Variants in C8orf34 observed in about 807,000 individuals in gnomAD.
The protein encoded by C8orf34 is uncharacterized protein C8orf34.
C8orf34 carries 65 observed loss-of-function variants against 68.3 expected under a neutral mutation model. That is an observed-to-expected ratio of 0.95 (90% CI 0.78 to 1.17). The LOEUF is 1.17. Ranked by LOEUF, C8orf34 falls within the 50% of genes most tolerant of loss-of-function variation. The pLI is 0.00. For synonymous variants in C8orf34, 244 were observed against 241.2 expected (o/e 1.01, Z -0.11); for missense variants, 664 against 655.4 (o/e 1.01, Z -0.14).
chr8:68,635,136 A>G (rs1818798735), intron 7 of C8orf34, among the ~76,000 whole-genome samples: 1 of 152,224 alleles, frequency 6.6e-6, no homozygotes, highest in Non-Finnish European at 1.5e-5. Flanking sequence ...GAGTTCTGGC[A>G]GGGAGTTTTT....
chr8:68,344,502 TATG>T (rs1296290338), intron 1 of C8orf34, among the ~76,000 whole-genome samples: 2 of 152,192 alleles, frequency 1.3e-5, no homozygotes, highest in African/African-American at 4.8e-5. Flanking sequence ...ATACCCCAGT[TATG>T]ATATTCTTCT....
At chr8:68,685,903 TAA>T (rs1390817003) in intron 8 of C8orf34, among the ~76,000 whole-genome samples, 4 of 150,160 alleles carry the variant, frequency 2.7e-5, no homozygotes, top group African/African-American at 9.8e-5. Context: ...AATAAATAAA[TAA>T]ATAAATAAAT....
Position 68,787,444 on chromosome 8 carries a change from A to G in C8orf34, c.1457A>G (p.Asp486Gly). Residue 486 changes from aspartate (D) to glycine (G), a missense_variant and splice_region_variant, in exon 12 of 14, where the codon GAT (aspartate) becomes GGT (glycine). Coordinates refer to ENST00000518698, the MANE Select transcript of C8orf34 (RefSeq NM_052958.4). ...TAAAATAAATGTGTTCTTTTGCAGG[A>G]TGAATCCTTAAAGCAATTGCAGGTA... ...GHSLKNYMEEDESLKQLQVVH... is the reference protein window; with the variant it reads ...GHSLKNYMEEGESLKQLQVVH... 1 of 1,608,714 alleles carries G rather than the reference A, an allele frequency of 6.2e-7. No homozygotes were observed. The highest frequency in any genetic ancestry group is 8.5e-7 in the Non-Finnish European group (1 of 1,176,594).
At chr8:68,601,795 G>A (rs1225334335) in intron 7 of C8orf34, among the ~76,000 whole-genome samples, 1 of 152,058 alleles carries the variant, frequency 6.6e-6, no homozygotes, top group Non-Finnish European at 1.5e-5. Flanking sequence ...TATGAAGACT[G>A]ATTTTCTATT....
At chr8:68,792,670 A>C (rs1301062922) in intron 12 of C8orf34, 1 of 151,476 alleles carries the variant, frequency 6.6e-6, no homozygotes, top group Non-Finnish European at 1.5e-5. Flanking sequence ...AAAGACAAAG[A>C]GATATTTAAA....
chr8:68,482,302 C>A (rs766732977), intron 4 of C8orf34, among the ~76,000 whole-genome samples: 2 of 152,166 alleles, frequency 1.3e-5, no homozygotes, highest in African/African-American at 2.4e-5. Context: ...TTTTTGTTCC[C>A]AGTTTCAGGT....
chr8:68,418,551 A>T (rs927852635), intron 1 of C8orf34, among the ~76,000 whole-genome samples: 12 of 152,188 alleles, frequency 7.9e-5, no homozygotes, highest in Non-Finnish European at 1.8e-4. Context: ...TGTTGAGATA[A>T]TCATGTGGTT....
intron 3 of C8orf34, among the ~76,000 whole-genome samples, chr8:68,461,922 T>C (rs1455511131): frequency 6.6e-6 from 1 of 152,094 alleles, no homozygotes; most frequent in Non-Finnish European, 1.5e-5. Flanking sequence ...AATGACAGGA[T>C]CAAATTCACA....
intron 10 of C8orf34, among the ~76,000 whole-genome samples, chr8:68,751,071 A>G (rs1392254333): frequency 6.6e-6 from 1 of 152,128 alleles, no homozygotes; most frequent in African/African-American, 2.4e-5. Context: ...AAGAATAGCA[A>G]AACAAAGCAT....
chr8:68,799,988 G>A (rs1175399189), intron 12 of C8orf34, among the ~76,000 whole-genome samples: 1 of 152,130 alleles, frequency 6.6e-6, no homozygotes, highest in Non-Finnish European at 1.5e-5. Context: ...TACACTTGAT[G>A]GCCCAGGAAA....
chr8:68,777,992 AG>A (rs1823570568), intron 11 of C8orf34, among the ~76,000 whole-genome samples: 1 of 152,180 alleles, frequency 6.6e-6, no homozygotes, highest in Non-Finnish European at 1.5e-5. Flanking sequence ...ATTGACTTAT[AG>A]TGAGATTTTA....
At chr8:68,590,422 A>G (rs1473356867) in intron 7 of C8orf34, among the ~76,000 whole-genome samples, 2 of 152,102 alleles carry the variant, frequency 1.3e-5, no homozygotes, top group Admixed American at 6.6e-5. Flanking sequence ...ATAGGGTTTT[A>G]CTTTAAGCCC....
chr8:68,423,310 GTTCAGA>G (rs1260227095), intron 1 of C8orf34, among the ~76,000 whole-genome samples: 2 of 152,116 alleles, frequency 1.3e-5, no homozygotes, highest in African/African-American at 4.8e-5. Flanking sequence ...TCTCTCTCAA[GTTCAGA>G]GTTCCACAGA....
chr8:68,342,394 G>A lies in C8orf34; in HGVS notation c.327+11055G>A, dbSNP rs189347444. Among the ~76,000 whole-genome samples, 758 of 152,206 alleles carry A rather than the reference G, an allele frequency of 5.0e-3. 4 individuals carry two copies. The highest frequency in any genetic ancestry group is 0.017 in the African/African-American group (706 of 41,536). On this transcript the variant is annotated intron_variant, in intron 1 of 13. Coordinates refer to ENST00000518698, the MANE Select transcript of C8orf34 (RefSeq NM_052958.4). ...GTGAAAGACTGTATTAAAAAGATTA[G>A]AAGATAAGTTACCGGTTAGGAGAAA...
chr8:68,638,511 T>C (rs1192300899), intron 7 of C8orf34, among the ~76,000 whole-genome samples: 1 of 152,160 alleles, frequency 6.6e-6, no homozygotes, highest in Non-Finnish European at 1.5e-5. Context: ...CTTCAATCTT[T>C]ATAATAAACT....
chr8:68,607,785 G>T (rs898357887), intron 7 of C8orf34, among the ~76,000 whole-genome samples: 2 of 152,084 alleles, frequency 1.3e-5, no homozygotes, highest in African/African-American at 4.8e-5. Context: ...CGCTGCTTTT[G>T]TCATCAACAA....
intron 10 of C8orf34, among the ~76,000 whole-genome samples, chr8:68,770,142 T>C (rs930916813): frequency 1.3e-5 from 2 of 152,188 alleles, no homozygotes; most frequent in African/African-American, 4.8e-5. Flanking sequence ...TACCATACTT[T>C]CCAGTTGCCA....
intron 5 of C8orf34, among the ~76,000 whole-genome samples, chr8:68,495,548 T>TA (rs1020455328): frequency 1.3e-5 from 2 of 152,118 alleles, no homozygotes; most frequent in Non-Finnish European, 2.9e-5. Context: ...AGAAGTCACA[T>TA]AAAAAGAAAA....
chr8:68,582,346 T>C (rs989623624), intron 7 of C8orf34, among the ~76,000 whole-genome samples: 2 of 152,114 alleles, frequency 1.3e-5, no homozygotes, highest in African/African-American at 2.4e-5. Context: ...AGGTATAGGA[T>C]ATTACCCCTC....
Sources: allele counts gnomAD v4.1 joint callset (sites outside exome capture counted in the v4.1 genomes callset), GRCh38; gene constraint gnomAD v4.1.1; transcripts MANE v1.5; gene names NCBI Gene and HGNC (gene_info 2026-07-23, HGNC 2026-07-21).